Variants in PCID2 observed in about 807,000 individuals in gnomAD.
PCID2 encodes PCI domain-containing protein 2.
Under a neutral mutation model 61.3 loss-of-function variants are expected in PCID2, and 41 were observed. That is an observed-to-expected ratio of 0.67 (90% CI 0.52 to 0.87). The LOEUF is 0.87. Among genes scored for constraint, PCID2 ranks in the 40% least tolerant of loss-of-function variants. The pLI, the probability that PCID2 is intolerant of heterozygous loss-of-function variation, is 0.00. For missense variants in PCID2, 392 were observed against 493.4 expected, an observed-to-expected ratio of 0.79 and a Z score of 1.95; for synonymous variants, 187 against 177.8, an observed-to-expected ratio of 1.05 and a Z score of -0.41.
At chr13:113,169,712 GTT>G in the PCID2 span, among the ~76,000 whole-genome samples, 1 of 152,238 alleles carries the variant, frequency 6.6e-6, no homozygotes, top group Non-Finnish European at 1.5e-5. Context: ...AGTCAGGGAT[GTT>G]TTAACTCAGC....
At chr13:113,168,537 T>G in the PCID2 span, among the ~76,000 whole-genome samples, 2 of 152,260 alleles carry the variant, frequency 1.3e-5, no homozygotes, top group Admixed American at 1.3e-4. Flanking sequence ...CTGCTGTTCC[T>G]CACATGTCCT....
chr13:113,191,422 A>T (rs778952961), intron 6 of PCID2, among the ~76,000 whole-genome samples: 10 of 152,178 alleles, frequency 6.6e-5, no homozygotes, highest in Non-Finnish European at 7.3e-5. Context: ...CATGTACTAT[A>T]ATATTTTTAA....
At position 113,179,630 on chromosome 13, in the gene PCID2, T is replaced by A. The variant is rs1037274881; in HGVS notation, c.986+287A>T. Reference sequence around the variant, plus strand: ...GAGTGGCGAGTCCTGTGTGCTCTGATGAAATGTGGTACCGCGGCTCTCAGG... The same window carrying A: ...GAGTGGCGAGTCCTGTGTGCTCTGAAGAAATGTGGTACCGCGGCTCTCAGG... On this transcript the variant is annotated intron_variant, in intron 12 of 13. Transcript: ENST00000337344. The surrounding 1 kb of genome is among the most constrained non-coding windows in gnomAD (Gnocchi z 4.3). Among the ~76,000 whole-genome samples, 1 of 152,184 alleles carries A rather than the reference T, an allele frequency of 6.6e-6. No individual in the cohort carries two copies. Among genetic ancestry groups the A allele is most frequent in the Non-Finnish European group, 1.5e-5 (1 of 68,036 alleles).
chr13:113,173,226 C>T (rs2037144634), downstream of PCID2, among the ~76,000 whole-genome samples: 2 of 152,228 alleles, frequency 1.3e-5, no homozygotes, highest in South Asian at 4.1e-4. Flanking sequence ...TGCTGAATCA[C>T]AGTAAACACC....
chr13:113,179,674 T>C lies in PCID2; in HGVS notation c.986+243A>G. On this transcript the variant is annotated intron_variant, in intron 12 of 13. Coordinates refer to ENST00000337344, the MANE Select transcript of PCID2 (RefSeq NM_001127202.4). This position sits in a 1 kb window ranked among gnomAD's most constrained non-coding sequence, Gnocchi z 4.3. The stretch of plus-strand genomic sequence containing the variant: ...TCTCAGGGCTGATGTTCTCAAGTTG[T>C]CTTCTCACATAGAACCTGCTTACCT... Among the ~76,000 whole-genome samples the C allele has an allele frequency of 6.6e-6, 1 of 152,166 alleles. No homozygotes were observed. Among genetic ancestry groups the C allele is most frequent in the East Asian group, 1.9e-4 (1 of 5,186 alleles).
rs757082716 is a variant in PCID2 at position 113,184,683 on chromosome 13, C to T, written c.544-196G>A. 4.6e-5 allele frequency among the ~76,000 whole-genome samples: 7 copies of T among 151,780 alleles called. No homozygotes were observed. In the South Asian group the frequency reaches 1.0e-3, roughly 23 times the overall value. ...CCTGGGAGGCTCTGCAAAGCCGTTCCGGGGGCGCAGCCCTGCAGGAGCCCA... is the reference window on the plus strand; with the variant it reads ...CCTGGGAGGCTCTGCAAAGCCGTTCTGGGGGCGCAGCCCTGCAGGAGCCCA... On this transcript the variant is annotated intron_variant, in intron 8 of 13. Coordinates refer to ENST00000337344, the MANE Select transcript of PCID2 (RefSeq NM_001127202.4).
At chr13:113,184,959 C>T (rs1194402021) in intron 8 of PCID2, among the ~76,000 whole-genome samples, 1 of 152,400 alleles carries the variant, frequency 6.6e-6, no homozygotes, top group African/African-American at 2.4e-5. Flanking sequence ...CTGCAGGAGC[C>T]TGTGCTTATG....
At chr13:113,177,247 C>G (rs1004593971), downstream of PCID2, among the ~76,000 whole-genome samples, 14 of 152,316 alleles carry the variant, frequency 9.2e-5, no homozygotes, top group African/African-American at 3.4e-4. Context: ...AAGCGATTCT[C>G]CTGCCTCAGC....
chr13:113,206,190 T>C (rs2039796153), intron 1 of PCID2, among the ~76,000 whole-genome samples: 1 of 152,238 alleles, frequency 6.6e-6, no homozygotes, highest in South Asian at 2.1e-4. Context: ...TGTGAATTCA[T>C]GGTCTTTTTA....
chr13:113,195,690 C>CG (rs2038964976), intron 5 of PCID2, among the ~76,000 whole-genome samples: 1 of 151,646 alleles, frequency 6.6e-6, no homozygotes, highest in Non-Finnish European at 1.5e-5. Context: ...GATAAAAGGG[C>CG]GGGTTTGTTT....
At chr13:113,165,137 C>T in the PCID2 span, 86 of 1,606,018 alleles carry the variant, frequency 5.4e-5, no homozygotes, top group Middle Eastern at 1.7e-4. Flanking sequence ...GAGCGCTCTC[C>T]GCGTGCTTCA....
At chr13:113,174,752 G>C (rs1289465311), downstream of PCID2, among the ~76,000 whole-genome samples, 6 of 152,152 alleles carry the variant, frequency 3.9e-5, no homozygotes, top group East Asian at 1.9e-4. Context: ...CCAAAGTGCT[G>C]GTATCATAAA....
At chr13:113,168,508 G>T in the PCID2 span, among the ~76,000 whole-genome samples, 1 of 152,258 alleles carries the variant, frequency 6.6e-6, no homozygotes, top group Admixed American at 6.5e-5. Flanking sequence ...TGTGCCACAA[G>T]ACGGCTCCCA....
Position 113,198,230 on chromosome 13 carries a change from A to C in PCID2, c.161T>G (p.Leu54Trp). Residue 54 changes from leucine to tryptophan, a missense_variant, in exon 3 of 14, where the codon TTG becomes TGG. Leu to Trp is a moderately conservative substitution (Grantham distance 61, BLOSUM62 -2). This residue lies in a region of PCID2 where 155 missense variants were observed against 164.9 expected (regional missense o/e 0.94). Transcript: ENST00000337344. ...ASPEEKCQQV[L>W]EPPYDEMFAA... The stretch of plus-strand genomic sequence containing the variant: ...AAACATTTCATCATAAGGGGGTTCC[A>C]AGACTTGTTGACACTTCTCCTCTGG... 1 of 1,609,584 alleles carries C rather than the reference A, an allele frequency of 6.2e-7. No homozygotes were observed. The highest frequency in any genetic ancestry group is 8.5e-7 in the Non-Finnish European group (1 of 1,178,324).
chr13:113,179,164 T>G lies in PCID2; in HGVS notation c.987-75A>C. 2.9e-6 allele frequency: 4 copies of G among 1,366,710 alleles called. No homozygotes were observed. Among genetic ancestry groups the G allele is most frequent in the Non-Finnish European group, 4.0e-6 (4 of 992,684 alleles). The allele number at this position is 1,366,710 out of a possible 1,614,324, so 84.7% of individuals were successfully genotyped here. The stretch of plus-strand genomic sequence containing the variant: ...CTCCACAGCCAAGAAAAGGCACCTC[T>G]TAATAAGCCGGTGTTCTAAAGGAGT... On this transcript the variant is annotated intron_variant, in intron 12 of 13. Coordinates refer to ENST00000337344, the MANE Select transcript of PCID2 (RefSeq NM_001127202.4). The surrounding 1 kb of genome is among the most constrained non-coding windows in gnomAD (Gnocchi z 4.3).
chr13:113,197,561 G>A (rs952722228), intron 3 of PCID2, among the ~76,000 whole-genome samples: 1 of 152,220 alleles, frequency 6.6e-6, no homozygotes, highest in Admixed American at 6.5e-5. Flanking sequence ...GCTGGGTAAT[G>A]TCAGTGTTAG....
Position 113,184,814 on chromosome 13 carries a change from C to G in PCID2, c.544-327G>C, listed in dbSNP as rs58641400. Among the ~76,000 whole-genome samples, 204 of 145,566 alleles carry G rather than the reference C, an allele frequency of 1.4e-3. 1 individual carries two copies. Among genetic ancestry groups the G allele is most frequent in the African/African-American group, 5.0e-3 (192 of 38,592 alleles). On this transcript the variant is annotated intron_variant, in intron 8 of 13. Transcript: ENST00000337344. Reference sequence around the variant, plus strand: ...GGAGCCTGTGCTAGTGGAGGCTCTGCGAAGCCGTTCCAGGGGGCACAGCCC... The same window carrying G: ...GGAGCCTGTGCTAGTGGAGGCTCTGGGAAGCCGTTCCAGGGGGCACAGCCC...
Position 113,178,744 on chromosome 13 carries a change from G to A in PCID2, c.1110+222C>T, listed in dbSNP as rs377319836. Among the ~76,000 whole-genome samples the A allele has an allele frequency of 1.1e-4, 16 of 152,276 alleles. 1 individual carries two copies. Among genetic ancestry groups the A allele is most frequent in the African/African-American group, 3.1e-4 (13 of 41,546 alleles). ...GGGGGTTGGAGAATCGACAGATACC[G>A]AGGGATGTACCGCCAGTAAAGAATA... On this transcript the variant is annotated intron_variant, in intron 13 of 13. Coordinates refer to ENST00000337344, the MANE Select transcript of PCID2 (RefSeq NM_001127202.4).
rs181109461 is a variant in PCID2, at chr13:113,183,731, G to A, written c.685+615C>T. 159 of 982,092 alleles carry A rather than the reference G, an allele frequency of 1.6e-4. 1 individual carries two copies. In the East Asian group the frequency reaches 0.014, roughly 89 times the overall value. The allele number at this position is 982,092 out of a possible 1,614,324, so 60.8% of individuals were successfully genotyped here. ...AAGAGATCACCAAGAATGATGCCGTGACAGCCGATAAAAATTACAAAAAGA... is the reference window on the plus strand; with the variant it reads ...AAGAGATCACCAAGAATGATGCCGTAACAGCCGATAAAAATTACAAAAAGA... On this transcript the variant is annotated intron_variant, in intron 9 of 13. Coordinates refer to ENST00000337344, the MANE Select transcript of PCID2 (RefSeq NM_001127202.4).
Sources: gnomAD v4.1 joint callset for allele counts (sites outside exome capture counted in the v4.1 genomes callset) on GRCh38, gnomAD v4.1.1 for gene constraint, gnomAD v4.1.1 regional missense constraint, Gnocchi (gnomAD v3.1) non-coding constraint, MANE v1.5 for transcripts, NCBI Gene and HGNC (gene_info 2026-07-23, HGNC 2026-07-21) for gene names.